FAM107B: variants seen among roughly 807,000 people sequenced by gnomAD.
FAM107B encodes family with sequence similarity 107 member B.
FAM107B carries 21 observed loss-of-function variants against 31.5 expected under a neutral mutation model. The observed-to-expected ratio is 0.67, with a 90% confidence interval of 0.47 to 0.96. FAM107B has a LOEUF of 0.96. Ranked by LOEUF, FAM107B falls within the 40% of genes least tolerant of loss-of-function variation. FAM107B has a pLI of 0.00. For synonymous variants in FAM107B, 157 were observed against 141.5 expected, an observed-to-expected ratio of 1.11 and a Z score of -0.78; for missense variants, 452 against 377.1, an observed-to-expected ratio of 1.20 and a Z score of -1.64.
chr10:14,688,656 G>A (rs1855048339), intron 1 of FAM107B, among the ~76,000 whole-genome samples: 1 of 152,324 alleles, frequency 6.6e-6, no homozygotes, highest in South Asian at 2.1e-4. Context: ...AGAAAGCAAA[G>A]AGATGTTACC....
intron 2 of FAM107B, among the ~76,000 whole-genome samples, chr10:14,612,009 T>C (rs957184335): frequency 4.0e-5 from 6 of 151,840 alleles, no homozygotes; most frequent in African/African-American, 1.5e-4. Context: ...ACATGTTATA[T>C]ACATAAGTCC....
At chr10:14,524,462 C>T (rs1846015141) in intron 3 of FAM107B, among the ~76,000 whole-genome samples, 1 of 152,092 alleles carries the variant, frequency 6.6e-6, no homozygotes, top group South Asian at 2.1e-4. Context: ...TCCAGGGAAA[C>T]AAAAGAGGCA....
chr10:14,580,179 GA>G (rs905132012), intron 2 of FAM107B, among the ~76,000 whole-genome samples: 2 of 152,112 alleles, frequency 1.3e-5, no homozygotes, highest in African/African-American at 4.8e-5. Flanking sequence ...CTAATATGGT[GA>G]AACCCTGTCT....
At chr10:14,674,751 C>T (rs76916631) in intron 1 of FAM107B, among the ~76,000 whole-genome samples, 5,182 of 152,200 alleles carry the variant, frequency 0.034, 286 homozygotes, top group African/African-American at 0.12. Flanking sequence ...TTTGTTGAGA[C>T]AGGGTCTCGC....
At position 14,539,147 on chromosome 10, in the gene FAM107B, C is replaced by A. The variant is rs1236004598; in HGVS notation, c.470-8632G>T. On this transcript the variant is annotated intron_variant, in intron 2 of 4. Transcript: ENST00000181796. ...TGAATGACCGTATACCGCAAGTACA[C>A]TAGTTTAAACAAAGAATAATGATGA... 2.0e-5 allele frequency among the ~76,000 whole-genome samples: 3 copies of A among 152,206 alleles called. No individual in the cohort carries two copies. In the East Asian group the frequency reaches 5.8e-4, roughly 29 times the overall value.
chr10:14,664,815 G>A (rs1854366155), intron 2 of FAM107B, among the ~76,000 whole-genome samples: 1 of 152,148 alleles, frequency 6.6e-6, no homozygotes, highest in Non-Finnish European at 1.5e-5. Context: ...TATAGTATAT[G>A]TTCATACTTT....
chr10:14,751,782 G>A (rs1435601677), intron 1 of FAM107B, among the ~76,000 whole-genome samples: 1 of 152,098 alleles, frequency 6.6e-6, no homozygotes, highest in African/African-American at 2.4e-5. Flanking sequence ...GAGCTGCAGG[G>A]CCAAGAGCTT....
intron 2 of FAM107B, among the ~76,000 whole-genome samples, chr10:14,631,628 G>A (rs889050147): frequency 1.3e-5 from 2 of 152,106 alleles, no homozygotes; most frequent in Admixed American, 6.5e-5. Flanking sequence ...AGACTTCCAG[G>A]GGAAAAGTGA....
At chr10:14,592,858 G>C (rs987393793) in intron 2 of FAM107B, among the ~76,000 whole-genome samples, 3 of 152,166 alleles carry the variant, frequency 2.0e-5, no homozygotes, top group Admixed American at 1.3e-4. Context: ...AGAGTCCCTT[G>C]GCAACGGAAG....
chr10:14,699,884 G>A (rs183225793), intron 1 of FAM107B, among the ~76,000 whole-genome samples: 13 of 152,278 alleles, frequency 8.5e-5, no homozygotes, highest in South Asian at 4.1e-4. Context: ...CCTGTGGAGC[G>A]CCAGCGAGTG....
chr10:14,635,220 C>T (rs1853467969), intron 2 of FAM107B, among the ~76,000 whole-genome samples: 1 of 151,798 alleles, frequency 6.6e-6, no homozygotes, highest in Admixed American at 6.6e-5. Context: ...CAGTCAGGGG[C>T]CATGGCAGCT....
chr10:14,699,245 G>A (rs1855339241), intron 1 of FAM107B, among the ~76,000 whole-genome samples: 1 of 152,148 alleles, frequency 6.6e-6, no homozygotes, highest in Non-Finnish European at 1.5e-5. Flanking sequence ...TAGAGATATA[G>A]ATATTTTGAT....
At chr10:14,599,559 T>C (rs1355393887) in intron 2 of FAM107B, among the ~76,000 whole-genome samples, 1 of 152,052 alleles carries the variant, frequency 6.6e-6, no homozygotes, top group East Asian at 1.9e-4. Flanking sequence ...TCCCAGCACT[T>C]TGGGAGGCCA....
chr10:14,679,544 T>G (rs1854777784), intron 1 of FAM107B, among the ~76,000 whole-genome samples: 1 of 152,210 alleles, frequency 6.6e-6, no homozygotes, highest in Admixed American at 6.6e-5. Context: ...AGCGGGACTA[T>G]CATCTGCCTG....
intron 1 of FAM107B, among the ~76,000 whole-genome samples, chr10:14,681,545 C>T (rs1211745372): frequency 6.6e-6 from 1 of 152,168 alleles, no homozygotes; most frequent in Non-Finnish European, 1.5e-5. Flanking sequence ...ACTGTTCCAT[C>T]TTGGGTCGCA....
chr10:14,661,083 A>G (rs1854226676), intron 2 of FAM107B, among the ~76,000 whole-genome samples: 1 of 152,042 alleles, frequency 6.6e-6, no homozygotes, highest in African/African-American at 2.4e-5. Context: ...GGACCTGCCT[A>G]CTTCCCCTTC....
At chr10:14,629,383 A>ATT in intron 2 of FAM107B, among the ~76,000 whole-genome samples, 1 of 66,212 alleles carries the variant, frequency 1.5e-5, no homozygotes, top group African/African-American at 6.8e-5. Flanking sequence ...AATATATATA[A>ATT]TATATATAAT....
chr10:14,721,295 G>A (rs61842963), intron 1 of FAM107B, among the ~76,000 whole-genome samples: 32,080 of 151,932 alleles, frequency 0.21, 3,455 homozygotes, highest in African/African-American at 0.25. Flanking sequence ...GAATAGTGCC[G>A]CTATAAACAT....
intron 1 of FAM107B, among the ~76,000 whole-genome samples, chr10:14,719,251 G>C (rs556519739): frequency 6.6e-6 from 1 of 152,222 alleles, no homozygotes; most frequent in East Asian, 1.9e-4. Context: ...TTCCAGCCAG[G>C]GACGCATTCT....
Sources: allele counts gnomAD v4.1 joint callset (sites outside exome capture counted in the v4.1 genomes callset), GRCh38; gene constraint gnomAD v4.1.1; transcripts MANE v1.5; gene names NCBI Gene and HGNC (gene_info 2026-07-23, HGNC 2026-07-21).